Variants in OTUD7A observed in about 807,000 individuals in gnomAD.
The protein encoded by OTUD7A is OTU domain-containing protein 7A.
A neutral mutation model predicts 65.7 loss-of-function variants in OTUD7A; 12 were observed. That is an observed-to-expected ratio of 0.18 (90% CI 0.12 to 0.30). The LOEUF (loss-of-function observed/expected upper bound fraction) is 0.30, where lower values mean the gene tolerates loss of function less well. Among genes scored for constraint, OTUD7A ranks in the 10% least tolerant of loss-of-function variants. The pLI, the probability that OTUD7A is intolerant of heterozygous loss-of-function variation, is 1.00. For synonymous variants in OTUD7A, 641 were observed against 586.3 expected, an observed-to-expected ratio of 1.09 and a Z score of -1.35; for missense variants, 1,148 against 1,304.8, an observed-to-expected ratio of 0.88 and a Z score of 1.85.
At chr15:31,664,869 T>C (rs1892276671) in intron 1 of OTUD7A, among the ~76,000 whole-genome samples, 1 of 152,204 alleles carries the variant, frequency 6.6e-6, no homozygotes, top group Non-Finnish European at 1.5e-5. Context: ...TCCATTCTCC[T>C]ACATGTGGCC....
At chr15:31,693,955 C>T (rs1361541245) in intron 1 of OTUD7A, among the ~76,000 whole-genome samples, 2 of 152,128 alleles carry the variant, frequency 1.3e-5, no homozygotes, top group Non-Finnish European at 2.9e-5. Context: ...TCCAGGGACC[C>T]GAAGGATTCA....
At chr15:31,731,613 C>T (rs1179114757) in intron 1 of OTUD7A, among the ~76,000 whole-genome samples, 2 of 152,076 alleles carry the variant, frequency 1.3e-5, no homozygotes, top group East Asian at 3.9e-4. Context: ...TGTATGATAC[C>T]ATAATGGTAG....
chr15:31,586,937 C>T (rs1595631039), intron 3 of OTUD7A, among the ~76,000 whole-genome samples: 1 of 152,108 alleles, frequency 6.6e-6, no homozygotes, highest in East Asian at 1.9e-4. Context: ...TCTTCTCCAC[C>T]CACATTGCCC....
intron 1 of OTUD7A, among the ~76,000 whole-genome samples, chr15:31,808,140 C>CACACACACACACACACACACAA (rs1272100227): frequency 7.1e-6 from 1 of 140,410 alleles, no homozygotes; most frequent in Admixed American, 7.1e-5. Context: ...CACACACAAA[C>CACACACACACACACACACACAA]AAATCCTCAC....
chr15:31,756,685 C>T lies in OTUD7A; in HGVS notation c.-99-99608G>A, dbSNP rs191132744. ...ACACACACACACACACACACACACA[C>T]TGCTTTTAGTAACTCTGAACCAGCT... On this transcript the variant is annotated intron_variant, in intron 1 of 12. Transcript: ENST00000307050. 5.0e-5 allele frequency among the ~76,000 whole-genome samples: 7 copies of T among 140,684 alleles called. No individual in the cohort carries two copies. In the Admixed American group the frequency reaches 5.0e-4, roughly 10 times the overall value. The allele number at this position is 140,684 out of a possible 152,430, so 92.3% of individuals were successfully genotyped here. A position where few individuals can be genotyped will look rare whatever the true frequency, so the allele number is the denominator to read the frequency against.
intron 1 of OTUD7A, among the ~76,000 whole-genome samples, chr15:31,779,450 T>C (rs1895478038): frequency 1.3e-5 from 2 of 152,252 alleles, no homozygotes; most frequent in Non-Finnish European, 2.9e-5. Flanking sequence ...ACATTAGAAC[T>C]ATCTTGGTGT....
At chr15:31,557,577 A>C (rs1463708381) in intron 5 of OTUD7A, 1 of 152,266 alleles carries the variant, frequency 6.6e-6, no homozygotes, top group East Asian at 1.9e-4. Flanking sequence ...GGCTATCTCC[A>C]TCAGCCACTC....
rs192635325 is a variant in OTUD7A at position 31,732,089 on chromosome 15, T to C, written c.-99-75012A>G. 4.2e-4 allele frequency among the ~76,000 whole-genome samples: 64 copies of C among 152,274 alleles called. 1 individual carries two copies. The South Asian group carries it at 4.6e-3, about 11-fold the overall frequency. On this transcript the variant is annotated intron_variant, in intron 1 of 12. Transcript: ENST00000307050. ...CTTCCCTGGAATTTCTACTTTCATA[T>C]TAAAATCATGTCTAAAAACAGACTA...
At chr15:31,690,212 T>A (rs1435360545) in intron 1 of OTUD7A, among the ~76,000 whole-genome samples, 1 of 152,274 alleles carries the variant, frequency 6.6e-6, no homozygotes, top group Non-Finnish European at 1.5e-5. Flanking sequence ...TGTGTTCTAC[T>A]TTCTTAGGAA....
intron 1 of OTUD7A, among the ~76,000 whole-genome samples, chr15:31,856,500 G>A (rs985853433): frequency 6.6e-6 from 1 of 152,196 alleles, no homozygotes; most frequent in East Asian, 1.9e-4. Flanking sequence ...TATGCACAGA[G>A]AGGAACAAAA....
At chr15:31,628,894 G>C (rs1891050009) in intron 3 of OTUD7A, among the ~76,000 whole-genome samples, 1 of 152,198 alleles carries the variant, frequency 6.6e-6, no homozygotes, top group South Asian at 2.1e-4. Context: ...CTCTCTGTTT[G>C]TCTGTTATTG....
At chr15:31,866,990 C>T (rs1000669219) in intron 1 of OTUD7A, among the ~76,000 whole-genome samples, 4 of 152,162 alleles carry the variant, frequency 2.6e-5, no homozygotes, top group Non-Finnish European at 4.4e-5. Context: ...TGTTCCCTTT[C>T]GCATGGGGCC....
At chr15:31,804,712 G>T (rs1382733225) in intron 1 of OTUD7A, among the ~76,000 whole-genome samples, 1 of 152,158 alleles carries the variant, frequency 6.6e-6, no homozygotes, top group Non-Finnish European at 1.5e-5. Context: ...CCCCAGAGGA[G>T]CTGTCATCAT....
intron 8 of OTUD7A, among the ~76,000 whole-genome samples, chr15:31,525,330 C>T (rs1304737497): frequency 6.6e-6 from 1 of 152,226 alleles, no homozygotes; most frequent in East Asian, 1.9e-4. Context: ...CATAACATAG[C>T]CTTAAAACAC....
chr15:31,692,030 CT>C (rs542110596), intron 1 of OTUD7A, among the ~76,000 whole-genome samples: 836 of 34,780 alleles, frequency 0.024, 3 homozygotes, highest in African/African-American at 0.043. Flanking sequence ...TATCATCTCA[CT>C]CTAGTTAGAA....
intron 3 of OTUD7A, among the ~76,000 whole-genome samples, chr15:31,648,884 C>T (rs985064679): frequency 5.9e-5 from 9 of 152,176 alleles, no homozygotes; most frequent in Non-Finnish European, 1.2e-4. Flanking sequence ...CCTCAGCCTT[C>T]TGAGTAGCTG....
At chr15:31,795,950 C>T (rs1006996109) in intron 1 of OTUD7A, among the ~76,000 whole-genome samples, 10 of 152,214 alleles carry the variant, frequency 6.6e-5, no homozygotes, top group Non-Finnish European at 1.2e-4. Flanking sequence ...CCTAGGTAAA[C>T]ACTCTAACTG....
intron 3 of OTUD7A, among the ~76,000 whole-genome samples, chr15:31,573,912 C>CAACAAAAAA (rs2141175989): frequency 6.6e-6 from 1 of 151,654 alleles, no homozygotes; most frequent in South Asian, 2.1e-4. Context: ...AACATAACAA[C>CAACAAAAAA]AACAAAAAAA....
chr15:31,750,600 C>G (rs1894607228), intron 1 of OTUD7A, among the ~76,000 whole-genome samples: 1 of 152,244 alleles, frequency 6.6e-6, no homozygotes, highest in South Asian at 2.1e-4. Context: ...TACCCAACTT[C>G]AAACTATACT....
Sources: gnomAD v4.1 joint callset for allele counts (sites outside exome capture counted in the v4.1 genomes callset) on GRCh38, gnomAD v4.1.1 for gene constraint, MANE v1.5 for transcripts, NCBI Gene and HGNC (gene_info 2026-07-23, HGNC 2026-07-21) for gene names.